Variants in MEFV observed in about 807,000 individuals in gnomAD.
MEFV encodes pyrin.
MEFV carries 60 observed loss-of-function variants against 62.5 expected under a neutral mutation model. The ratio of observed to expected loss-of-function variants is 0.96; its 90% confidence interval spans 0.78 to 1.19. The LOEUF (loss-of-function observed/expected upper bound fraction) is 1.19. Ranked by LOEUF, MEFV falls within the 50% of genes most tolerant of loss-of-function variation. The pLI is 0.00. For missense variants in MEFV, 1,169 were observed against 1,004.5 expected, an observed-to-expected ratio of 1.16 and a Z score of -2.21; for synonymous variants, 500 against 415.2, an observed-to-expected ratio of 1.20 and a Z score of -2.48.
intron 2 of MEFV, among the ~76,000 whole-genome samples, chr16:3,252,841 T>G (rs931724623): frequency 6.7e-5 from 10 of 150,332 alleles, no homozygotes; most frequent in Admixed American, 6.6e-5. Context: ...TCTCAGCTAC[T>G]TGGAAGGCTG....
Position 3,254,497 on chromosome 16 carries a change from A to G in MEFV, c.571T>C (p.Cys191Arg), listed in dbSNP as rs1291928193. 3 of 1,576,054 alleles carry G rather than the reference A, an allele frequency of 1.9e-6. No individual in the cohort carries two copies. Among genetic ancestry groups the G allele is most frequent in the African/African-American group, 2.7e-5 (2 of 73,902 alleles). Residue 191 changes from cysteine to arginine, a missense_variant, in exon 2 of 10, where the codon TGC (cysteine) becomes CGC (arginine). Coordinates refer to ENST00000219596, the MANE Select transcript of MEFV (RefSeq NM_000243.3). Reference sequence around the variant, plus strand: ...GCCTGGCCCCCCTCTAGCGCCCTGCAGGGGCCGGGGCTTCTCCCGCCCGGC... The same window carrying G: ...GCCTGGCCCCCCTCTAGCGCCCTGCGGGGGCCGGGGCTTCTCCCGCCCGGC... Reference protein sequence around the residue: ...ALPGGRSPGPCRALEGGQAEV... With the variant: ...ALPGGRSPGPRRALEGGQAEV...
At chr16:3,244,006 C>G (rs766750849) in intron 8 of MEFV, 114 bp from the exon 9 acceptor site, 2 of 1,560,986 alleles carry the variant, frequency 1.3e-6, no homozygotes, top group African/African-American at 2.7e-5. Flanking sequence ...TAGGGCCCTG[C>G]ATGCTATGTT....
At chr16:3,255,068 G>C (rs1357368570) in intron 1 of MEFV, among the ~76,000 whole-genome samples, 1 of 152,204 alleles carries the variant, frequency 6.6e-6, no homozygotes, top group Non-Finnish European at 1.5e-5. Flanking sequence ...TGTAATCCCA[G>C]CTTCTCCAGA....
At chr16:3,251,226 C>T (rs1381069095) in intron 2 of MEFV, among the ~76,000 whole-genome samples, 2 of 152,020 alleles carry the variant, frequency 1.3e-5, no homozygotes, top group Non-Finnish European at 2.9e-5. Context: ...TCCCATTGCC[C>T]CCCAAATGCC....
chr16:3,249,970 A>T (rs1211830680), intron 2 of MEFV, among the ~76,000 whole-genome samples, 190 bp from the exon 3 acceptor site: 1 of 152,202 alleles, frequency 6.6e-6, no homozygotes, highest in Admixed American at 6.5e-5. Flanking sequence ...TGGGCCTGAG[A>T]GCTAAGGGCC....
chr16:3,245,602 C>T (rs1017644432), intron 6 of MEFV, among the ~76,000 whole-genome samples: 5 of 152,020 alleles, frequency 3.3e-5, no homozygotes, highest in Non-Finnish European at 7.4e-5. Flanking sequence ...CCACTGCACT[C>T]CAGCCTGGAT....
intron 1 of MEFV, 109 bp from the exon 2 acceptor site, chr16:3,254,899 G>A (rs1404443162): frequency 6.4e-7 from 1 of 1,565,908 alleles, no homozygotes; most frequent in South Asian, 1.1e-5. Flanking sequence ...AGAAATTGAG[G>A]AAAACAACGG....
Position 3,246,557 on chromosome 16 carries a change from A to C in MEFV, c.1588-10T>G. Reference sequence around the variant, plus strand: ...AGATGTCTCCAATGTCCTAGGAGAAAAAAGAAGGAAACTGTCGGTTACCAG... The same window carrying C: ...AGATGTCTCCAATGTCCTAGGAGAACAAAGAAGGAAACTGTCGGTTACCAG... On this transcript the variant is annotated splice_polypyrimidine_tract_variant and intron_variant, in intron 5 of 9. Transcript: ENST00000219596. The C allele has an allele frequency of 1.9e-6, 3 of 1,614,078 alleles. No individual in the cohort carries two copies. Among genetic ancestry groups the C allele is most frequent in the Non-Finnish European group, 2.5e-6 (3 of 1,180,004 alleles).
rs2741918 is a variant in MEFV at position 3,242,874 on chromosome 16, C to T, written c.*267G>A. ...GTTCAGGAGCACCTGAGAGTGCCACCCACCAGGGGCGGATTATGCAACGAC... is the reference window on the plus strand; with the variant it reads ...GTTCAGGAGCACCTGAGAGTGCCACTCACCAGGGGCGGATTATGCAACGAC... On this transcript the variant is annotated 3_prime_UTR_variant, in exon 10 of 10. Transcript: ENST00000219596. 293,840 of 501,962 alleles carry T rather than the reference C, an allele frequency of 0.59. 87,421 individuals carry two copies. The highest frequency in any genetic ancestry group is 0.71 in the South Asian group (35,361 of 49,720). The allele number at this position is 501,962 out of a possible 1,614,324, so 31.1% of individuals were successfully genotyped here. A position where few individuals can be genotyped will look rare whatever the true frequency, so the allele number is the denominator to read the frequency against.
intron 6 of MEFV, among the ~76,000 whole-genome samples, chr16:3,245,262 T>C (rs1958923349): frequency 6.6e-6 from 1 of 151,696 alleles, no homozygotes; most frequent in Non-Finnish European, 1.5e-5. Flanking sequence ...CTCTCCAGCC[T>C]TAGTGATGGG....
intron 6 of MEFV, among the ~76,000 whole-genome samples, chr16:3,245,729 T>G (rs1040998210): frequency 6.6e-6 from 1 of 152,042 alleles, no homozygotes; most frequent in East Asian, 1.9e-4. Flanking sequence ...CTGGTGGGAA[T>G]GTGAAGCGAT....
At chr16:3,249,206 G>T (rs1175674833) in intron 3 of MEFV, among the ~76,000 whole-genome samples, 1 of 152,218 alleles carries the variant, frequency 6.6e-6, no homozygotes, top group African/African-American at 2.4e-5. Flanking sequence ...CTTCCTCTGA[G>T]CCTCTGGATT....
chr16:3,245,504 C>T (rs1208957261), intron 6 of MEFV, among the ~76,000 whole-genome samples: 3 of 152,066 alleles, frequency 2.0e-5, no homozygotes, highest in East Asian at 1.9e-4. Context: ...CATGGTGGCA[C>T]GCTCCTGTAG....
chr16:3,255,407 CTCTCT>C (rs1005223282), intron 1 of MEFV, among the ~76,000 whole-genome samples: 4 of 152,096 alleles, frequency 2.6e-5, no homozygotes, highest in Non-Finnish European at 5.9e-5. Context: ...GTATTTCTCT[CTCTCT>C]TATTTTATTT....
At chr16:3,248,729 G>A (rs988231378) in intron 4 of MEFV, 180 bp downstream of exon 4, 5 of 985,174 alleles carry the variant, frequency 5.1e-6, no homozygotes, top group Non-Finnish European at 4.8e-6. Flanking sequence ...CCTGCCTGCT[G>A]GGGGTGGTCT....
chr16:3,249,451 C>T lies in MEFV; in HGVS notation c.1240G>A (p.Glu414Lys). ...HQGHRVRPIEEVALEHKKKIQ... is the reference protein window; with the variant it reads ...HQGHRVRPIEKVALEHKKKIQ... ...CCTACCTTGTGTTCCAGGGCGACCTCCTCAATGGGGCGCACCCGGTGGCCT... is the reference window on the plus strand; with the variant it reads ...CCTACCTTGTGTTCCAGGGCGACCTTCTCAATGGGGCGCACCCGGTGGCCT... Residue 414 changes from glutamate to lysine, a missense_variant, in exon 3 of 10, where the codon GAG becomes AAG. By Grantham distance (56) the Glu-to-Lys change is moderately conservative. Coordinates refer to ENST00000219596, the MANE Select transcript of MEFV (RefSeq NM_000243.3). 1 of 1,613,992 alleles carries T rather than the reference C, an allele frequency of 6.2e-7. No individual in the cohort carries two copies. The highest frequency in any genetic ancestry group is 8.5e-7 in the Non-Finnish European group (1 of 1,180,028).
intron 8 of MEFV, 62 bp from the exon 9 acceptor site, chr16:3,243,954 TA>T (rs1191668448): frequency 6.2e-7 from 1 of 1,604,060 alleles, no homozygotes; most frequent in Non-Finnish European, 8.5e-7. Context: ...GGGGCTAAAT[TA>T]CACTGTCCTG....
intron 3 of MEFV, 138 bp from the exon 4 acceptor site, chr16:3,249,142 G>A (rs1316694864): frequency 1.1e-6 from 1 of 873,864 alleles, no homozygotes; most frequent in Non-Finnish European, 1.9e-6. Flanking sequence ...GGGGTGCTCA[G>A]GAAAGAGGAG....
chr16:3,247,945 A>C (rs916488523), intron 4 of MEFV: 9 of 151,138 alleles, frequency 6.0e-5, no homozygotes, highest in African/African-American at 2.2e-4. Flanking sequence ...AAAAAAAAAA[A>C]AAAAAAAAAA....
Sources: gnomAD v4.1 joint callset for allele counts (sites outside exome capture counted in the v4.1 genomes callset) on GRCh38, gnomAD v4.1.1 for gene constraint, MANE v1.5 for transcripts, NCBI Gene and HGNC (gene_info 2026-07-23, HGNC 2026-07-21) for gene names.